Variants in PRKG1 observed in about 807,000 individuals in gnomAD.
PRKG1 encodes protein kinase cGMP-dependent 1.
In PRKG1, 35 loss-of-function variants were observed where a neutral mutation model predicts 88.1. The observed-to-expected ratio is 0.40, with a 90% CI of 0.30 to 0.53. The LOEUF (loss-of-function observed/expected upper bound fraction) is 0.53. Among genes scored for constraint, PRKG1 ranks in the 20% least tolerant of loss-of-function variants. The pLI is 0.59. For missense variants in PRKG1, 540 were observed against 839.8 expected, an observed-to-expected ratio of 0.64 and a Z score of 4.41; for synonymous variants, 303 against 292.5, an observed-to-expected ratio of 1.04 and a Z score of -0.37.
rs541056796 is a variant in PRKG1 at position 51,689,231 on chromosome 10, A to G, written c.593-115354A>G. Among the ~76,000 whole-genome samples the G allele has an allele frequency of 2.1e-3, 259 of 125,988 alleles. 2 individuals carry two copies. The highest frequency in any genetic ancestry group is 6.9e-3 in the African/African-American group (247 of 35,902). 82.7% of individuals were successfully genotyped at this position (125,988 alleles called of 152,430 possible). A position where few individuals can be genotyped will look rare whatever the true frequency, so the allele number is the denominator to read the frequency against. On this transcript the variant is annotated intron_variant, in intron 3 of 17. Coordinates refer to ENST00000373980, the MANE Select transcript of PRKG1 (RefSeq NM_006258.4). The stretch of plus-strand genomic sequence containing the variant: ...CCATCAAACACAGTTGACATAATAA[A>G]TCTATCTACTATCTATCTATCTATC...
chr10:51,366,384 A>C (rs1215466063), intron 2 of PRKG1, among the ~76,000 whole-genome samples: 2 of 151,974 alleles, frequency 1.3e-5, no homozygotes, highest in East Asian at 1.9e-4. Flanking sequence ...GCATTCTATA[A>C]TCAATGAGTT....
intron 2 of PRKG1, among the ~76,000 whole-genome samples, chr10:51,374,508 G>A (rs1003440062): frequency 6.6e-6 from 1 of 152,106 alleles, no homozygotes; most frequent in Non-Finnish European, 1.5e-5. Context: ...TTTAGGTCTT[G>A]AGGACTCCTC....
chr10:51,517,471 G>T (rs1841619831), intron 3 of PRKG1, among the ~76,000 whole-genome samples: 1 of 152,212 alleles, frequency 6.6e-6, no homozygotes, highest in Non-Finnish European at 1.5e-5. Flanking sequence ...TCTGGGGATT[G>T]CGGGACAGCA....
chr10:52,226,939 A>G (rs1200740345), intron 9 of PRKG1, among the ~76,000 whole-genome samples: 1 of 152,170 alleles, frequency 6.6e-6, no homozygotes, highest in Non-Finnish European at 1.5e-5. Flanking sequence ...ATTACAGTGA[A>G]ATAGGCAAAT....
chr10:51,111,365 T>A (rs1844975308), intron 1 of PRKG1, among the ~76,000 whole-genome samples: 1 of 152,134 alleles, frequency 6.6e-6, no homozygotes, highest in Non-Finnish European at 1.5e-5. Context: ...AATAAGCACA[T>A]CATGAAGAAT....
chr10:51,704,528 A>G (rs1389928335), intron 3 of PRKG1, among the ~76,000 whole-genome samples: 2 of 152,204 alleles, frequency 1.3e-5, no homozygotes, highest in African/African-American at 4.8e-5. Context: ...ATTTGATGAA[A>G]TGGATATGCA....
intron 2 of PRKG1, among the ~76,000 whole-genome samples, chr10:51,166,676 C>T (rs762668531): frequency 2.6e-5 from 4 of 152,084 alleles, no homozygotes; most frequent in African/African-American, 7.2e-5. Context: ...CTCAAAGGCA[C>T]ATGAAATAGG....
chr10:52,199,032 G>T (rs1337086387), intron 9 of PRKG1, among the ~76,000 whole-genome samples: 1 of 151,926 alleles, frequency 6.6e-6, no homozygotes, highest in Non-Finnish European at 1.5e-5. Flanking sequence ...ATGCTACTTT[G>T]AACACACCCA....
intron 2 of PRKG1, among the ~76,000 whole-genome samples, chr10:51,384,748 C>T (rs1837207239): frequency 6.6e-6 from 1 of 152,098 alleles, no homozygotes; most frequent in Admixed American, 6.6e-5. Flanking sequence ...GTTCCCACTT[C>T]CCTATTTAGA....
chr10:51,979,410 G>GTTTTTTTTTTTTTTTTT lies in PRKG1; in HGVS notation c.762+71848_762+71864dup, dbSNP rs61150252. Among the ~76,000 whole-genome samples, 281 of 47,060 alleles carry GTTTTTTTTTTTTTTTTT rather than the reference G, an allele frequency of 6.0e-3. 37 individuals are homozygous for GTTTTTTTTTTTTTTTTT. Among genetic ancestry groups the GTTTTTTTTTTTTTTTTT allele is most frequent in the East Asian group, 8.5e-3 (11 of 1,298 alleles). 30.9% of individuals were successfully genotyped at this position (47,060 alleles called of 152,430 possible). A position where few individuals can be genotyped will look rare whatever the true frequency, so the allele number is the denominator to read the frequency against. On this transcript the variant is annotated intron_variant, in intron 5 of 17. Transcript: ENST00000373980. ...CAATATTCATCATGGATATTGGTCT[G>GTTTTTTTTTTTTTTTTT]TTTTTTTTTTTTTTTTTTTTTTTTC...
intron 2 of PRKG1, among the ~76,000 whole-genome samples, chr10:51,406,966 G>A (rs777689176): frequency 1.3e-5 from 2 of 152,292 alleles, no homozygotes; most frequent in African/African-American, 2.4e-5. Context: ...GGAGTTCGAC[G>A]TTTGAGGGCA....
intron 2 of PRKG1, among the ~76,000 whole-genome samples, chr10:51,464,577 A>G (rs889384592): frequency 2.6e-5 from 4 of 152,074 alleles, no homozygotes; most frequent in African/African-American, 9.7e-5. Flanking sequence ...TAAGTTAAAC[A>G]TGAGAAAATT....
At chr10:51,282,578 C>A (rs10996556) in intron 2 of PRKG1, among the ~76,000 whole-genome samples, 1 of 151,936 alleles carries the variant, frequency 6.6e-6, no homozygotes, top group Non-Finnish European at 1.5e-5. Context: ...TGCTGGGAAT[C>A]TATAGTTTGT....
intron 3 of PRKG1, among the ~76,000 whole-genome samples, chr10:51,691,034 T>C (rs1235181233): frequency 6.6e-6 from 1 of 150,494 alleles, no homozygotes; most frequent in Non-Finnish European, 1.5e-5. Context: ...GAATAATATA[T>C]ATCATATTTT....
At position 51,686,230 on chromosome 10, in the gene PRKG1, A is replaced by G. The variant is rs944507462; in HGVS notation, c.593-118355A>G. On this transcript the variant is annotated intron_variant, in intron 3 of 17. Coordinates refer to ENST00000373980, the MANE Select transcript of PRKG1 (RefSeq NM_006258.4). Reference sequence around the variant, plus strand: ...ACTGCGTGTCGCGGGGCTTTGGTGTACAATTAATTTTATCACCCAGGTAAT... The same window carrying G: ...ACTGCGTGTCGCGGGGCTTTGGTGTGCAATTAATTTTATCACCCAGGTAAT... Among the ~76,000 whole-genome samples the G allele has an allele frequency of 3.9e-5, 6 of 152,052 alleles. No individual in the cohort carries two copies. In the South Asian group the frequency reaches 1.0e-3, roughly 26 times the overall value.
chr10:51,248,995 G>A (rs960814078), intron 2 of PRKG1, among the ~76,000 whole-genome samples: 11 of 151,754 alleles, frequency 7.2e-5, no homozygotes, highest in Non-Finnish European at 1.3e-4. Flanking sequence ...AAGTACAACC[G>A]AAGGTGAAAT....
chr10:51,083,518 T>TTG (rs1305935385), intron 1 of PRKG1, among the ~76,000 whole-genome samples: 2 of 151,234 alleles, frequency 1.3e-5, no homozygotes, highest in African/African-American at 4.9e-5. Flanking sequence ...GCTACAGTTT[T>TTG]TTTTTTTTTT....
intron 3 of PRKG1, among the ~76,000 whole-genome samples, chr10:51,650,979 C>T (rs1840024976): frequency 6.6e-6 from 1 of 152,158 alleles, no homozygotes; most frequent in East Asian, 1.9e-4. Flanking sequence ...CTCCAGGAGA[C>T]TTGGCAATGT....
chr10:51,153,668 G>A (rs1484574447), intron 2 of PRKG1, among the ~76,000 whole-genome samples: 2 of 152,002 alleles, frequency 1.3e-5, no homozygotes, highest in African/African-American at 2.4e-5. Context: ...AAGATCACTG[G>A]AAGTATTTTT....
Sources: allele counts gnomAD v4.1 joint callset (sites outside exome capture counted in the v4.1 genomes callset), GRCh38; gene constraint gnomAD v4.1.1; transcripts MANE v1.5; gene names NCBI Gene and HGNC (gene_info 2026-07-23, HGNC 2026-07-21).